The following CADPS variants were observed in gnomAD, a reference collection of about 807,000 sequenced individuals.
The protein encoded by CADPS is calcium-dependent secretion activator 1.
In CADPS, 57 loss-of-function variants were observed where a neutral mutation model predicts 167.3. The observed-to-expected ratio is 0.34, with a 90% CI of 0.28 to 0.42. CADPS has a LOEUF of 0.42. Ranked by LOEUF, CADPS falls within the 20% of genes least tolerant of loss-of-function variation. The pLI, the probability that CADPS is intolerant of heterozygous loss-of-function variation, is 1.00. For synonymous variants in CADPS, 676 were observed against 635.3 expected (o/e 1.06, Z -0.96); for missense variants, 1,414 against 1,738.1 (o/e 0.81, Z 3.32).
At chr3:62,491,685 A>G (rs1039985957) in intron 20 of CADPS, among the ~76,000 whole-genome samples, 2 of 152,186 alleles carry the variant, frequency 1.3e-5, no homozygotes, top group Non-Finnish European at 2.9e-5. Flanking sequence ...ATGGAATTCA[A>G]AAACACTTTA....
At chr3:62,680,092 T>C (rs2076918019) in intron 3 of CADPS, among the ~76,000 whole-genome samples, 1 of 151,918 alleles carries the variant, frequency 6.6e-6, no homozygotes, top group African/African-American at 2.4e-5. Flanking sequence ...ATCAGGTTTG[T>C]GTTCTGGATT....
intron 1 of CADPS, among the ~76,000 whole-genome samples, chr3:62,833,301 C>T (rs915118662): frequency 6.6e-6 from 1 of 151,956 alleles, no homozygotes; most frequent in Admixed American, 6.6e-5. Flanking sequence ...CACACAGCAC[C>T]ATGCCTGGCT....
At chr3:62,555,780 A>G (rs1413762044) in intron 10 of CADPS, among the ~76,000 whole-genome samples, 2 of 152,030 alleles carry the variant, frequency 1.3e-5, no homozygotes, top group Non-Finnish European at 2.9e-5. Flanking sequence ...TATTTCTGTC[A>G]CCCAGGATGG....
chr3:62,721,131 TTTTAAAAAAA>T (rs202190434), intron 3 of CADPS, among the ~76,000 whole-genome samples: 12,960 of 138,104 alleles, frequency 0.094, 773 homozygotes, highest in South Asian at 0.16. Context: ...TTTTTTTTTT[TTTTAAAAAAA>T]AAAAGAAGAA....
At chr3:62,742,176 A>G (rs1464661900) in intron 3 of CADPS, among the ~76,000 whole-genome samples, 1 of 152,202 alleles carries the variant, frequency 6.6e-6, no homozygotes, top group Non-Finnish European at 1.5e-5. Flanking sequence ...GAAAGAATCA[A>G]TATTGTTAAA....
At chr3:62,528,669 A>T (rs2072916828) in intron 13 of CADPS, among the ~76,000 whole-genome samples, 1 of 152,156 alleles carries the variant, frequency 6.6e-6, no homozygotes, top group South Asian at 2.1e-4. Context: ...GGGATCTGAT[A>T]CTCCTAGATT....
At chr3:62,567,630 A>AGTG (rs2080496578) in intron 9 of CADPS, among the ~76,000 whole-genome samples, 2 of 119,238 alleles carry the variant, frequency 1.7e-5, no homozygotes, top group African/African-American at 6.4e-5. Context: ...GCTGGAATGC[A>AGTG]GTGGCGCAAT....
intron 3 of CADPS, among the ~76,000 whole-genome samples, chr3:62,680,683 C>T (rs1301097496): frequency 3.3e-5 from 5 of 152,044 alleles, no homozygotes; most frequent in Non-Finnish European, 5.9e-5. Context: ...CTAAAGCACA[C>T]ATCTGGTCCT....
At position 62,875,242 on chromosome 3, in the gene CADPS, G is replaced by T; in HGVS notation, c.-213C>A. ...AGACCCAGAAGCGCGAAGGGAGGAGGGGAAGGGAGAGGTGCGTCCGTGGAC... is the reference window on the plus strand; with the variant it reads ...AGACCCAGAAGCGCGAAGGGAGGAGTGGAAGGGAGAGGTGCGTCCGTGGAC... On this transcript the variant is annotated 5_prime_UTR_variant, in exon 1 of 30. Coordinates refer to ENST00000383710, the MANE Select transcript of CADPS (RefSeq NM_003716.4). 2.2e-6 allele frequency: 1 copy of T among 452,308 alleles called. No homozygotes were observed. Among genetic ancestry groups the T allele is most frequent in the Non-Finnish European group, 3.5e-6 (1 of 287,828 alleles). The allele number at this position is 452,308 out of a possible 1,614,324, so 28.0% of individuals were successfully genotyped here.
At position 62,602,545 on chromosome 3, in the gene CADPS, CATG is replaced by C. The variant is rs1160745150; in HGVS notation, c.1326-9800_1326-9798del. ...TGTGGCCTGCCTTTGAGGTGGACTG[CATG>C]ATATTCCACTCCAAGGGAATCAATT... On this transcript the variant is annotated intron_variant, in intron 6 of 29. Transcript: ENST00000383710. The surrounding 1 kb of genome is among the most constrained non-coding windows in gnomAD (Gnocchi z 4.4). Among the ~76,000 whole-genome samples, 1 of 152,154 alleles carries C rather than the reference CATG, an allele frequency of 6.6e-6. No individual in the cohort carries two copies. Among genetic ancestry groups the C allele is most frequent in the Admixed American group, 6.6e-5 (1 of 15,264 alleles).
At chr3:62,823,617 T>C (rs1222683781) in intron 1 of CADPS, among the ~76,000 whole-genome samples, 3 of 152,138 alleles carry the variant, frequency 2.0e-5, no homozygotes, top group Non-Finnish European at 2.9e-5. Flanking sequence ...ACAGCTGTAG[T>C]TTGCAAATTC....
chr3:62,569,534 G>A (rs1025744641), intron 9 of CADPS, among the ~76,000 whole-genome samples: 2 of 152,222 alleles, frequency 1.3e-5, no homozygotes, highest in Non-Finnish European at 2.9e-5. Context: ...CCAGAGAGCT[G>A]TATTTTGCCT....
chr3:62,865,330 T>C (rs1180791787), intron 1 of CADPS, among the ~76,000 whole-genome samples: 3 of 144,984 alleles, frequency 2.1e-5, no homozygotes, highest in African/African-American at 7.7e-5. Context: ...TTTAAAAGCA[T>C]CACCACTTCC....
intron 3 of CADPS, among the ~76,000 whole-genome samples, chr3:62,668,350 C>G (rs1171885289): frequency 1.3e-5 from 2 of 152,120 alleles, no homozygotes; most frequent in African/African-American, 4.8e-5. Flanking sequence ...GTGTGGCCCC[C>G]TGCTGAGCTC....
chr3:62,693,479 GT>G (rs1461616744), intron 3 of CADPS, among the ~76,000 whole-genome samples: 2 of 151,940 alleles, frequency 1.3e-5, no homozygotes, highest in African/African-American at 4.8e-5. Context: ...TTTAAATTTT[GT>G]TTTTGCCAGG....
intron 27 of CADPS, chr3:62,440,038 T>C (rs966184969): frequency 6.6e-6 from 1 of 152,180 alleles, no homozygotes. Context: ...TAGCTGATGT[T>C]GTATTATACA....
intron 9 of CADPS, among the ~76,000 whole-genome samples, chr3:62,570,112 T>C (rs1474845569): frequency 6.6e-6 from 1 of 151,842 alleles, no homozygotes; most frequent in Non-Finnish European, 1.5e-5. Context: ...CAGAAGTCTA[T>C]CCAAAAGGGA....
At chr3:62,703,562 T>C (rs1188520925) in intron 3 of CADPS, among the ~76,000 whole-genome samples, 4 of 152,136 alleles carry the variant, frequency 2.6e-5, no homozygotes, top group African/African-American at 7.2e-5. Context: ...GCCAGTTTTT[T>C]CTTCAGTGGG....
chr3:62,754,070 G>A (rs921695855), intron 2 of CADPS, among the ~76,000 whole-genome samples: 3 of 152,178 alleles, frequency 2.0e-5, no homozygotes, highest in East Asian at 1.9e-4. Flanking sequence ...ACCTGTGCCC[G>A]GGCTGCATAG....
Sources: allele counts gnomAD v4.1 joint callset (sites outside exome capture counted in the v4.1 genomes callset), GRCh38; gene constraint gnomAD v4.1.1; non-coding constraint Gnocchi (gnomAD v3.1); transcripts MANE v1.5; gene names NCBI Gene and HGNC (gene_info 2026-07-23, HGNC 2026-07-21).